Variants in FAP observed in about 807,000 individuals in gnomAD.
FAP encodes the protein prolyl endopeptidase FAP.
In FAP, 110 loss-of-function variants were observed where a neutral mutation model predicts 126.5. That is an observed-to-expected ratio of 0.87 (90% CI 0.74 to 1.02). The LOEUF (loss-of-function observed/expected upper bound fraction) is 1.02, where lower values mean the gene tolerates loss of function less well. FAP is among the 50% of genes least tolerant of loss of function. The probability of loss-of-function intolerance (pLI) is 0.00; values close to 1 mark genes in which losing one functional copy is unlikely to be tolerated. For synonymous variants in FAP, 334 were observed against 297.3 expected, an observed-to-expected ratio of 1.12 and a Z score of -1.27; for missense variants, 919 against 909.2, an observed-to-expected ratio of 1.01 and a Z score of -0.14.
chr2:162,234,969 G>A (rs1690051190), intron 2 of FAP, among the ~76,000 whole-genome samples: 1 of 152,162 alleles, frequency 6.6e-6, no homozygotes, highest in East Asian at 1.9e-4. Flanking sequence ...CGGGCAGTGA[G>A]GGACTTAGCA....
At chr2:162,233,809 T>C (rs1576198995) in intron 2 of FAP, among the ~76,000 whole-genome samples, 1 of 152,208 alleles carries the variant, frequency 6.6e-6, no homozygotes, top group South Asian at 2.1e-4. Context: ...AACATAAAAA[T>C]GTATCTGTAT....
At position 162,218,567 on chromosome 2, in the gene FAP, A is replaced by AGATT. The variant is rs1689250190; in HGVS notation, c.608-428_608-427insAATC. Among the ~76,000 whole-genome samples, 4 of 148,294 alleles carry AGATT rather than the reference A, an allele frequency of 2.7e-5. No individual in the cohort carries two copies. The South Asian group carries it at 8.7e-4, about 32-fold the overall frequency. On this transcript the variant is annotated intron_variant, in intron 8 of 25. Transcript: ENST00000188790. ...AACCAAAAACACAGTTAGTTTAGAT[A>AGATT]GATAGATAGATAGATAGATAGATAG...
intron 2 of FAP, among the ~76,000 whole-genome samples, chr2:162,233,457 T>C (rs1041954031): frequency 6.6e-6 from 1 of 152,128 alleles, no homozygotes; most frequent in African/African-American, 2.4e-5. Flanking sequence ...TGGTTTTGTT[T>C]TGCATTTTGC....
chr2:162,203,460 C>T (rs1688577319), intron 12 of FAP, among the ~76,000 whole-genome samples: 1 of 152,136 alleles, frequency 6.6e-6, no homozygotes, highest in Non-Finnish European at 1.5e-5. Context: ...GAATCACAAA[C>T]GCATGTTGAT....
At chr2:162,172,965 A>G (rs1412260256) in intron 24 of FAP, 81 bp from the exon 25 acceptor site, 1 of 1,200,748 alleles carries the variant, frequency 8.3e-7, no homozygotes, top group Non-Finnish European at 1.2e-6. Context: ...GGAAATGAAC[A>G]CCAACAATTA....
At chr2:162,201,024 T>C (rs941527615) in intron 14 of FAP, among the ~76,000 whole-genome samples, 6 of 152,154 alleles carry the variant, frequency 3.9e-5, no homozygotes, top group African/African-American at 9.7e-5. Flanking sequence ...TGTCAATAGA[T>C]GGGTTTGCTA....
At position 162,229,649 on chromosome 2, in the gene FAP, T is replaced by C. The variant is rs555834604; in HGVS notation, c.92-3028A>G. 7.6e-4 allele frequency among the ~76,000 whole-genome samples: 116 copies of C among 152,290 alleles called. 1 individual carries two copies. The highest frequency in any genetic ancestry group is 2.1e-3 in the African/African-American group (88 of 41,582). On this transcript the variant is annotated intron_variant, in intron 2 of 25. Coordinates refer to ENST00000188790, the MANE Select transcript of FAP (RefSeq NM_004460.5). ...AAATACCTACTCATTTTCCTTTTCG[T>C]ATCATTAAAAAGCATTTTGATCTTA... is the stretch of plus-strand genomic sequence containing the variant.
chr2:162,185,831 A>T (rs1349861768), intron 20 of FAP, among the ~76,000 whole-genome samples: 1 of 152,114 alleles, frequency 6.6e-6, no homozygotes, highest in Non-Finnish European at 1.5e-5. Context: ...TTAGTGTCTG[A>T]TTCCTAAAAC....
In FAP at chr2:162,189,715, G is replaced by A. The variant is rs752642706; in HGVS notation, c.1490C>T (p.Ala497Val). 2.5e-6 allele frequency: 4 copies of A among 1,591,172 alleles called. No homozygotes were observed. In the East Asian group the frequency reaches 9.0e-5, roughly 36 times the overall value. Reference sequence around the variant, plus strand: ...TTTAGGCAGCTGGATATTTTTCAAAGCATTTTCCAATTCCTTGTTTTCTTC... The same window carrying A: ...TTTAGGCAGCTGGATATTTTTCAAAACATTTTCCAATTCCTTGTTTTCTTC... ...ILEENKELEN[A>V]LKNIQLPKEE... Residue 497 changes from alanine (A) to valine (V), a missense_variant, in exon 18 of 26, where the codon GCT becomes GTT. Transcript: ENST00000188790.
chr2:162,227,735 C>G (rs1055907822), intron 2 of FAP, among the ~76,000 whole-genome samples: 1 of 152,128 alleles, frequency 6.6e-6, no homozygotes, highest in Non-Finnish European at 1.5e-5. Context: ...GGGCAGTCTA[C>G]CCTGCCAGCT....
intron 11 of FAP, among the ~76,000 whole-genome samples, 195 bp downstream of exon 11, chr2:162,213,743 T>C (rs1370867543): frequency 6.6e-6 from 1 of 152,202 alleles, no homozygotes; most frequent in Admixed American, 6.5e-5. Context: ...GTTTACGTCA[T>C]TCAAGAAAAT....
intron 2 of FAP, among the ~76,000 whole-genome samples, chr2:162,235,319 C>T (rs564594472): frequency 1.1e-3 from 167 of 152,330 alleles, no homozygotes; most frequent in African/African-American, 3.9e-3. Flanking sequence ...GCGGGACTGG[C>T]GGGCAGCTCC....
intron 19 of FAP, 115 bp from the exon 20 acceptor site, chr2:162,188,478 A>G (rs1251990264): frequency 2.2e-6 from 2 of 911,900 alleles, no homozygotes; most frequent in Middle Eastern, 3.3e-4. Context: ...TAAAATAACA[A>G]TGGCGTTAGA....
Position 162,189,702 on chromosome 2 carries a change from G to A in FAP, c.1503C>T (p.Ile501=). The A allele has an allele frequency of 1.3e-6, 2 of 1,592,760 alleles. No homozygotes were observed. The highest frequency in any genetic ancestry group is 2.3e-5 in the East Asian group (1 of 44,310). The change falls in exon 18 of 26, where the codon ATC becomes ATT. Residue 501 remains isoleucine (I), a synonymous_variant. Transcript: ENST00000188790. The part of the protein sequence containing the change: ...NKELENALKN[I]QLPKEEIKKL... ...TCTTAATTTCCTCTTTAGGCAGCTGGATATTTTTCAAAGCATTTTCCAATT... is the reference window on the plus strand; with the variant it reads ...TCTTAATTTCCTCTTTAGGCAGCTGAATATTTTTCAAAGCATTTTCCAATT...
chr2:162,180,776 G>T (rs971573890), intron 21 of FAP, among the ~76,000 whole-genome samples: 1 of 152,182 alleles, frequency 6.6e-6, no homozygotes, highest in African/African-American at 2.4e-5. Context: ...TACCTTAGGC[G>T]TAAGTTAAGT....
At chr2:162,223,116 G>A (rs900919079) in intron 6 of FAP, among the ~76,000 whole-genome samples, 6 of 151,914 alleles carry the variant, frequency 3.9e-5, no homozygotes, top group East Asian at 1.9e-4. Flanking sequence ...TATTTTACAC[G>A]TCAGATATTT....
intron 21 of FAP, among the ~76,000 whole-genome samples, chr2:162,183,063 A>C (rs988366471): frequency 1.3e-5 from 2 of 152,186 alleles, no homozygotes; most frequent in African/African-American, 4.8e-5. Flanking sequence ...AATTTTTATA[A>C]AATAGAAATA....
intron 7 of FAP, among the ~76,000 whole-genome samples, chr2:162,219,450 A>G (rs1689293683): frequency 6.6e-6 from 1 of 152,176 alleles, no homozygotes; most frequent in Admixed American, 6.5e-5. Flanking sequence ...ATGTATATTG[A>G]CAGAAAGTCG....
chr2:162,230,396 G>A (rs1559793884), intron 2 of FAP, among the ~76,000 whole-genome samples: 1 of 150,790 alleles, frequency 6.6e-6, no homozygotes, highest in Non-Finnish European at 1.5e-5. Flanking sequence ...ATATTTATGT[G>A]GCAAAGAATT....
Sources: gnomAD v4.1 joint callset for allele counts (sites outside exome capture counted in the v4.1 genomes callset) on GRCh38, gnomAD v4.1.1 for gene constraint, MANE v1.5 for transcripts, NCBI Gene and HGNC (gene_info 2026-07-23, HGNC 2026-07-21) for gene names.